The following PTPRR variants were observed in gnomAD, a reference collection of about 807,000 sequenced individuals.
PTPRR encodes protein tyrosine phosphatase receptor type R, also known as receptor-type tyrosine-protein phosphatase R.
PTPRR carries 38 observed loss-of-function variants against 77.2 expected under a neutral mutation model. The observed-to-expected ratio is 0.49, with a 90% CI of 0.38 to 0.65. PTPRR has a LOEUF of 0.65. Ranked by LOEUF, PTPRR falls within the 30% of genes least tolerant of loss-of-function variation. The pLI is 0.00. For missense variants in PTPRR, 744 were observed against 799.2 expected (o/e 0.93, Z 0.83); for synonymous variants, 299 against 283.1 (o/e 1.06, Z -0.57).
intron 2 of PTPRR, among the ~76,000 whole-genome samples, chr12:70,890,959 A>AAT (rs1233156561): frequency 2.9e-4 from 44 of 152,190 alleles, no homozygotes; most frequent in African/African-American, 1.0e-3. Flanking sequence ...TTAAAAAATA[A>AAT]CCCTGCCTCC....
intron 2 of PTPRR, among the ~76,000 whole-genome samples, chr12:70,774,362 G>A (rs972221967): frequency 1.3e-5 from 2 of 152,172 alleles, no homozygotes; most frequent in Non-Finnish European, 2.9e-5. Context: ...CTTGAGGCTT[G>A]TAACTGTGGA....
intron 1 of PTPRR, chr12:70,907,096 G>T (rs1893634151): frequency 6.6e-6 from 1 of 152,170 alleles, no homozygotes; most frequent in Admixed American, 6.6e-5. Flanking sequence ...TGGCTACTAA[G>T]ATGTGAAAAT....
In PTPRR at chr12:70,761,577, G is replaced by GT; in HGVS notation, c.520dup (p.Thr174AsnfsTer5). On this transcript the variant is annotated frameshift_variant, in exon 4 of 14. Transcript: ENST00000283228. LOFTEE classifies it high-confidence loss of function. ...AGAGGGCAGAGCATCAGAAATTCCT[G>GT]TTTTTCGGTTTATGGGAGACACAAA... The GT allele has an allele frequency of 6.2e-7, 1 of 1,611,556 alleles. No homozygotes were observed. Among genetic ancestry groups the GT allele is most frequent in the African/African-American group, 1.3e-5 (1 of 74,946 alleles).
chr12:70,684,518 G>A lies in PTPRR; in HGVS notation c.1359+186C>T, dbSNP rs140414373. On this transcript the variant is annotated intron_variant, in intron 9 of 13. Transcript: ENST00000283228. Reference sequence around the variant, plus strand: ...AGCACTGTTGCCAGAGACTCACAGTGAAAGGAAAGTCATCATAAAAGACCC... The same window carrying A: ...AGCACTGTTGCCAGAGACTCACAGTAAAAGGAAAGTCATCATAAAAGACCC... Among the ~76,000 whole-genome samples, 1,200 of 152,218 alleles carry A rather than the reference G, an allele frequency of 7.9e-3. 12 individuals carry two copies. The highest frequency in any genetic ancestry group is 0.013 in the Non-Finnish European group (908 of 68,010).
At chr12:70,839,298 T>A (rs555140775) in intron 2 of PTPRR, among the ~76,000 whole-genome samples, 74 of 149,230 alleles carry the variant, frequency 5.0e-4, no homozygotes, top group East Asian at 4.1e-3. Context: ...CAGTCATTTT[T>A]TTCCTCTTTA....
intron 1 of PTPRR, among the ~76,000 whole-genome samples, chr12:70,893,350 T>G (rs1893371754): frequency 6.6e-6 from 1 of 152,008 alleles, no homozygotes; most frequent in East Asian, 1.9e-4. Flanking sequence ...TTTTATCATA[T>G]TTAAGCTTTC....
intron 2 of PTPRR, among the ~76,000 whole-genome samples, chr12:70,866,663 T>G (rs1437096524): frequency 6.6e-6 from 1 of 152,076 alleles, no homozygotes; most frequent in East Asian, 1.9e-4. Flanking sequence ...AAAGAGGGAA[T>G]CCTCCCTAAC....
intron 13 of PTPRR, among the ~76,000 whole-genome samples, chr12:70,647,102 T>A (rs2136646427): frequency 6.6e-6 from 1 of 152,084 alleles, no homozygotes; most frequent in South Asian, 2.1e-4. Flanking sequence ...AAGGTAAGGA[T>A]GTACAGGCAA....
chr12:70,882,043 C>T (rs1319421856), intron 2 of PTPRR, among the ~76,000 whole-genome samples: 2 of 152,092 alleles, frequency 1.3e-5, no homozygotes, highest in African/African-American at 4.8e-5. Context: ...AGTTTCATAC[C>T]GATAACTCTA....
At chr12:70,820,625 G>A (rs1290844605) in intron 2 of PTPRR, among the ~76,000 whole-genome samples, 2 of 152,146 alleles carry the variant, frequency 1.3e-5, no homozygotes, top group Admixed American at 1.3e-4. Flanking sequence ...GAGCCACTGC[G>A]CCCAGCCACT....
At chr12:70,766,733 A>T (rs11178406) in intron 2 of PTPRR, among the ~76,000 whole-genome samples, 54,671 of 150,048 alleles carry the variant, frequency 0.36, 12,249 homozygotes, top group African/African-American at 0.63. Flanking sequence ...AAAGTTGAAA[A>T]GAAGGAAAAA....
At chr12:70,804,697 T>G (rs994448402) in intron 2 of PTPRR, among the ~76,000 whole-genome samples, 1 of 152,116 alleles carries the variant, frequency 6.6e-6, no homozygotes, top group Admixed American at 6.5e-5. Context: ...AGGACAGAAA[T>G]GGGATTAGAA....
chr12:70,823,896 G>A (rs1892065597), intron 2 of PTPRR, among the ~76,000 whole-genome samples: 1 of 152,218 alleles, frequency 6.6e-6, no homozygotes, highest in Admixed American at 6.5e-5. Flanking sequence ...TACTTCAACT[G>A]TCTAAGGGGC....
chr12:70,871,140 G>A (rs558189587), intron 2 of PTPRR, among the ~76,000 whole-genome samples: 1 of 152,250 alleles, frequency 6.6e-6, no homozygotes, highest in South Asian at 2.1e-4. Flanking sequence ...GCTTGAGGGT[G>A]CTCCCCTTCA....
intron 2 of PTPRR, among the ~76,000 whole-genome samples, chr12:70,818,066 G>A (rs1344931189): frequency 6.6e-6 from 1 of 151,792 alleles, no homozygotes; most frequent in Non-Finnish European, 1.5e-5. Flanking sequence ...ACAAAAATTA[G>A]CCGGATGTGG....
At chr12:70,831,394 G>C (rs1892209447) in intron 2 of PTPRR, among the ~76,000 whole-genome samples, 1 of 152,134 alleles carries the variant, frequency 6.6e-6, no homozygotes, top group Non-Finnish European at 1.5e-5. Context: ...CAATAGCCTA[G>C]GTAAAGGCTC....
intron 6 of PTPRR, among the ~76,000 whole-genome samples, chr12:70,725,567 C>A (rs1889402913): frequency 6.6e-6 from 1 of 152,076 alleles, no homozygotes; most frequent in East Asian, 1.9e-4. Flanking sequence ...AATTCAGATT[C>A]TCCAGTTATT....
At chr12:70,919,229 G>T (rs1893816997) in intron 1 of PTPRR, among the ~76,000 whole-genome samples, 1 of 152,150 alleles carries the variant, frequency 6.6e-6, no homozygotes, top group African/African-American at 2.4e-5. Flanking sequence ...ATTACCCCTA[G>T]AACATAGTAT....
intron 6 of PTPRR, among the ~76,000 whole-genome samples, chr12:70,739,878 A>T (rs1446235290): frequency 6.6e-6 from 1 of 152,084 alleles, no homozygotes; most frequent in Non-Finnish European, 1.5e-5. Context: ...GGAGCGCAGC[A>T]CTCAGAGGGG....
Sources: gnomAD v4.1 joint callset for allele counts (sites outside exome capture counted in the v4.1 genomes callset) on GRCh38, gnomAD v4.1.1 for gene constraint, MANE v1.5 for transcripts, NCBI Gene and HGNC (gene_info 2026-07-23, HGNC 2026-07-21) for gene names.